Variants in PDE1C observed in about 807,000 individuals in gnomAD.
The protein encoded by PDE1C is dual specificity calcium/calmodulin-dependent 3',5'-cyclic nucleotide phosphodiesterase 1C.
Under a neutral mutation model 93.1 loss-of-function variants are expected in PDE1C, and 62 were observed. The observed-to-expected ratio is 0.67, with a 90% CI of 0.54 to 0.82. The LOEUF (loss-of-function observed/expected upper bound fraction) is 0.82, where lower values mean the gene tolerates loss of function less well. Among genes scored for constraint, PDE1C ranks in the 40% least tolerant of loss-of-function variants. The pLI, the probability that PDE1C is intolerant of heterozygous loss-of-function variation, is 0.00. For synonymous variants in PDE1C, 325 were observed against 310.1 expected (o/e 1.05, Z -0.50); for missense variants, 742 against 884.6 (o/e 0.84, Z 2.04).
intron 1 of PDE1C, among the ~76,000 whole-genome samples, chr7:32,244,316 C>T (rs569043769): frequency 1.2e-4 from 18 of 152,246 alleles, no homozygotes; most frequent in African/African-American, 4.3e-4. Flanking sequence ...AAGACAAGAG[C>T]CCAGACTGGT....
rs918586996 is a variant in PDE1C, at chr7:32,385,594, C to T, written c.310+42228G>A. 5.3e-5 allele frequency among the ~76,000 whole-genome samples: 8 copies of T among 152,164 alleles called. No individual in the cohort carries two copies. The East Asian group carries it at 7.7e-4, about 15-fold the overall frequency. The stretch of plus-strand genomic sequence containing the variant: ...GGAAGCCCATCCTGGGTTTTTGTTC[C>T]GCTGAAATCCAAACCCAGTCTCCTT... On this transcript the variant is annotated intron_variant, in intron 1 of 1. Transcript: ENST00000672256.
chr7:31,859,408 T>A (rs985715932), intron 7 of PDE1C, among the ~76,000 whole-genome samples: 5 of 147,970 alleles, frequency 3.4e-5, no homozygotes, highest in African/African-American at 1.2e-4. Context: ...TGGCACAATA[T>A]CCTATATAAT....
rs181415850 is a variant in PDE1C at position 32,084,224 on chromosome 7, T to G, written c.308+85561A>C. 8.6e-3 allele frequency among the ~76,000 whole-genome samples: 1,313 copies of G among 151,960 alleles called. 12 individuals carry two copies. The highest frequency in any genetic ancestry group is 0.013 in the Non-Finnish European group (868 of 67,946). ...ATCCTAGTCTCTGATAAAACAGACT[T>G]TAAACCAACAAAGATCAAAGGAGAC... On this transcript the variant is annotated intron_variant, in intron 3 of 18. Transcript: ENST00000396193.
intron 3 of PDE1C, among the ~76,000 whole-genome samples, chr7:32,142,485 C>G (rs572017953): frequency 3.3e-5 from 5 of 152,282 alleles, no homozygotes; most frequent in Non-Finnish European, 7.3e-5. Flanking sequence ...GCCAGACACT[C>G]ACCAATCCCA....
the PDE1C span, among the ~76,000 whole-genome samples, chr7:31,630,735 C>T: frequency 2.4e-4 from 36 of 151,730 alleles, no homozygotes; most frequent in African/African-American, 8.5e-4. Flanking sequence ...AAGAAAAAGA[C>T]TCAAAAGGTC....
the PDE1C span, among the ~76,000 whole-genome samples, chr7:31,733,164 A>C: frequency 2.6e-5 from 4 of 152,180 alleles, no homozygotes; most frequent in Admixed American, 2.0e-4. Context: ...TCTCAAATGG[A>C]TAGAGACTGA....
intron 1 of PDE1C, among the ~76,000 whole-genome samples, chr7:32,379,634 T>C (rs1359818118): frequency 6.6e-6 from 1 of 152,204 alleles, no homozygotes; most frequent in African/African-American, 2.4e-5. Flanking sequence ...CAAACACAGC[T>C]GACAAACCAC....
chr7:31,892,793 A>T (rs1351620061), intron 2 of PDE1C, among the ~76,000 whole-genome samples: 1 of 152,198 alleles, frequency 6.6e-6, no homozygotes, highest in Non-Finnish European at 1.5e-5. Context: ...TGTTAATCAA[A>T]GGGTACAAAG....
At chr7:32,175,924 A>G (rs184827167) in intron 2 of PDE1C, among the ~76,000 whole-genome samples, 32 of 152,322 alleles carry the variant, frequency 2.1e-4, no homozygotes, top group Admixed American at 5.9e-4. Context: ...GTAGATATTG[A>G]TAAGTCTTGC....
the PDE1C span, among the ~76,000 whole-genome samples, chr7:31,624,902 C>T: frequency 2.0e-5 from 3 of 152,134 alleles, no homozygotes; most frequent in Admixed American, 6.5e-5. Context: ...CCAGAATCTA[C>T]AATGAACTCA....
intron 1 of PDE1C, among the ~76,000 whole-genome samples, chr7:32,279,498 G>A (rs1302515099): frequency 6.6e-6 from 1 of 152,078 alleles, no homozygotes; most frequent in African/African-American, 2.4e-5. Flanking sequence ...AAGGATCAAT[G>A]TTTGAGGTGA....
At chr7:31,903,989 G>A (rs977738800) in intron 2 of PDE1C, among the ~76,000 whole-genome samples, 4 of 152,106 alleles carry the variant, frequency 2.6e-5, no homozygotes, top group Admixed American at 2.0e-4. Context: ...GACCTTCAAC[G>A]TTGGTGTATA....
intron 1 of PDE1C, among the ~76,000 whole-genome samples, chr7:32,257,899 G>A (rs960694418): frequency 1.3e-5 from 2 of 152,246 alleles, no homozygotes; most frequent in Admixed American, 1.3e-4. Flanking sequence ...AAAAGAGGCA[G>A]TGACCAGCCC....
At chr7:31,701,421 C>T in the PDE1C span, among the ~76,000 whole-genome samples, 47,307 of 152,050 alleles carry the variant, frequency 0.31, 7,966 homozygotes, top group East Asian at 0.61. Flanking sequence ...AGAGTTGCTT[C>T]TGATAGATCA....
chr7:31,740,278 A>T, the PDE1C span, among the ~76,000 whole-genome samples: 1 of 152,200 alleles, frequency 6.6e-6, no homozygotes, highest in Non-Finnish European at 1.5e-5. Flanking sequence ...GAAAAATAAC[A>T]ATATTGGCAA....
At chr7:31,775,247 A>T (rs1458029105) in intron 17 of PDE1C, among the ~76,000 whole-genome samples, 1 of 152,208 alleles carries the variant, frequency 6.6e-6, no homozygotes, top group Non-Finnish European at 1.5e-5. Flanking sequence ...ACAGATGAGA[A>T]AACAGACATT....
intron 1 of PDE1C, among the ~76,000 whole-genome samples, chr7:32,306,243 T>C (rs745353280): frequency 6.6e-6 from 1 of 152,196 alleles, no homozygotes; most frequent in South Asian, 2.1e-4. Flanking sequence ...ATCAGCAGCA[T>C]GAAAACGGGC....
chr7:31,637,332 A>G, the PDE1C span, among the ~76,000 whole-genome samples: 50 of 152,226 alleles, frequency 3.3e-4, no homozygotes, highest in African/African-American at 9.6e-4. Context: ...ACAATGGTTG[A>G]ACTAGTTTAC....
At chr7:32,322,703 G>A (rs894087662) in intron 1 of PDE1C, among the ~76,000 whole-genome samples, 9 of 150,386 alleles carry the variant, frequency 6.0e-5, no homozygotes, top group African/African-American at 7.4e-5. Context: ...TGCAACCTCC[G>A]CCTCCTGGGT....
Sources: allele counts gnomAD v4.1 joint callset (sites outside exome capture counted in the v4.1 genomes callset), GRCh38; gene constraint gnomAD v4.1.1; transcripts MANE v1.5; gene names NCBI Gene and HGNC (gene_info 2026-07-23, HGNC 2026-07-21).